The following FAM107A variants were observed in gnomAD, a reference collection of about 807,000 sequenced individuals.
The protein encoded by FAM107A is actin-associated protein FAM107A.
Under a neutral mutation model 13.7 loss-of-function variants are expected in FAM107A, and 19 were observed. The observed-to-expected ratio is 1.38, with a 90% CI of 0.97 to 2.03. FAM107A has a LOEUF of 2.03. Ranked by LOEUF, FAM107A falls within the 30% of genes most tolerant of loss-of-function variation. The pLI is 0.00. For synonymous variants in FAM107A, 82 were observed against 74.5 expected (o/e 1.10, Z -0.52); for missense variants, 203 against 184.4 (o/e 1.10, Z -0.58).
chr3:58,600,946 T>C (rs1575451622), intron 1 of FAM107A, among the ~76,000 whole-genome samples: 1 of 152,196 alleles, frequency 6.6e-6, no homozygotes, highest in African/African-American at 2.4e-5. Flanking sequence ...AGCCAGCGTT[T>C]TGTAATCAGA....
chr3:58,566,633 G>A lies in FAM107A; in HGVS notation c.390C>T (p.Asn130=). Residue 130 remains asparagine (N), a synonymous_variant, in exon 4 of 4, where the codon AAC becomes AAT. Transcript: ENST00000360997. ...TGGTCAGTGTGGCAATTCTCCGCAG[G>A]TTTTCCCTGACTTTAATAAACTCGG... ...HAPEFIKVRE[N]LRRIATLTSE... 2 of 1,614,020 alleles carry A rather than the reference G, an allele frequency of 1.2e-6. No homozygotes were observed. Among genetic ancestry groups the A allele is most frequent in the East Asian group, 2.2e-5 (1 of 44,882 alleles).
intron 1 of FAM107A, among the ~76,000 whole-genome samples, chr3:58,618,052 G>A (rs2065919897): frequency 6.6e-6 from 1 of 152,176 alleles, no homozygotes. Context: ...TTGTGGCTGG[G>A]TTTGTGGTGA....
Position 58,569,627 on chromosome 3 carries a change from A to G in FAM107A, c.170+64T>C, listed in dbSNP as rs2063660411. On this transcript the variant is annotated intron_variant, in intron 2 of 3. Transcript: ENST00000360997. The surrounding 1 kb of genome is among the most constrained non-coding windows in gnomAD (Gnocchi z 5.7). ...GCCAGCTCTGCTTTCCTCCAGGGTC[A>G]CCTTCCCCATCCCCCACAGGCCCAG... 1.4e-6 allele frequency: 2 copies of G among 1,391,886 alleles called. No individual in the cohort carries two copies. Among genetic ancestry groups the G allele is most frequent in the South Asian group, 2.7e-5 (2 of 75,114 alleles). The allele number at this position is 1,391,886 out of a possible 1,614,324, so 86.2% of individuals were successfully genotyped here. A position where few individuals can be genotyped will look rare whatever the true frequency, so the allele number is the denominator to read the frequency against.
Position 58,569,598 on chromosome 3 carries a change from G to T in FAM107A, c.170+93C>A. The T allele has an allele frequency of 9.0e-7, 1 of 1,115,754 alleles. No individual in the cohort carries two copies. The highest frequency in any genetic ancestry group is 1.3e-6 in the Non-Finnish European group (1 of 782,372). The allele number at this position is 1,115,754 out of a possible 1,614,324, so 69.1% of individuals were successfully genotyped here. A position where few individuals can be genotyped will look rare whatever the true frequency, so the allele number is the denominator to read the frequency against. On this transcript the variant is annotated intron_variant, in intron 2 of 3. Coordinates refer to ENST00000360997, the MANE Select transcript of FAM107A (RefSeq NM_001076778.3). This position sits in a 1 kb window ranked among gnomAD's most constrained non-coding sequence, Gnocchi z 5.7. ...CCTCAGTCTCCAGGAGCCCCAGGAT[G>T]AAAGCCAGCTCTGCTTTCCTCCAGG...
At chr3:58,584,031 CG>C (rs2065577124) in intron 1 of FAM107A, among the ~76,000 whole-genome samples, 1 of 152,134 alleles carries the variant, frequency 6.6e-6, no homozygotes. Context: ...GGCTTCTCAA[CG>C]AAAGGAGTGC....
At chr3:58,597,959 G>C (rs1179895352) in intron 1 of FAM107A, among the ~76,000 whole-genome samples, 2 of 152,314 alleles carry the variant, frequency 1.3e-5, no homozygotes, top group East Asian at 3.9e-4. Context: ...GGAAACTGAG[G>C]CTCAGTGAGG....
intron 1 of FAM107A, chr3:58,627,161 C>T (rs2066026912): frequency 4.5e-6 from 3 of 666,112 alleles, no homozygotes; most frequent in Middle Eastern, 4.1e-4. Context: ...ACAGCTGCTC[C>T]TAAGCCCGGA....
intron 1 of FAM107A, among the ~76,000 whole-genome samples, chr3:58,594,187 T>A (rs4681695): frequency 0.25 from 37,889 of 152,076 alleles, 5,319 homozygotes; most frequent in East Asian, 0.46. Context: ...CCTGTGTCAA[T>A]ACTGACAAAC....
upstream of FAM107A, among the ~76,000 whole-genome samples, chr3:58,579,199 C>A (rs945922252): frequency 1.3e-5 from 2 of 151,950 alleles, no homozygotes; most frequent in African/African-American, 4.8e-5. Context: ...GTGGGAAGAG[C>A]CAGTGGAAAG....
intron 1 of FAM107A, chr3:58,626,860 G>T: frequency 9.7e-7 from 1 of 1,033,932 alleles, no homozygotes. Context: ...GGGAGGGCTG[G>T]TGGGCACTGC....
intron 1 of FAM107A, among the ~76,000 whole-genome samples, chr3:58,571,798 G>A (rs150216695): frequency 7.2e-5 from 11 of 152,234 alleles, no homozygotes; most frequent in African/African-American, 1.4e-4. Flanking sequence ...TTCCTGTTCA[G>A]CTCATGCCAC....
intron 2 of FAM107A, among the ~76,000 whole-genome samples, chr3:58,568,056 C>T (rs1449963007): frequency 6.6e-6 from 1 of 151,280 alleles, no homozygotes; most frequent in South Asian, 2.1e-4. Flanking sequence ...CCTGCCTCGG[C>T]CTCCCAAAGT....
intron 1 of FAM107A, among the ~76,000 whole-genome samples, chr3:58,586,131 C>T (rs1285165546): frequency 7.3e-6 from 1 of 137,812 alleles, no homozygotes; most frequent in Non-Finnish European, 1.6e-5. Flanking sequence ...AGACCTCCTT[C>T]AACCGCGCTG....
At chr3:58,585,110 C>T (rs2108060634) in intron 1 of FAM107A, among the ~76,000 whole-genome samples, 1 of 152,328 alleles carries the variant, frequency 6.6e-6, no homozygotes, top group East Asian at 1.9e-4. Flanking sequence ...CCGCTCCCTT[C>T]CTGGCTCCTT....
chr3:58,614,730 C>T (rs962789751), intron 1 of FAM107A, among the ~76,000 whole-genome samples: 6 of 152,060 alleles, frequency 3.9e-5, no homozygotes, highest in African/African-American at 1.5e-4. Flanking sequence ...GTCTTGAACT[C>T]CTGACGTCAA....
At position 58,564,343 on chromosome 3, in the gene FAM107A, C is replaced by G. The variant is rs2063599670; in HGVS notation, c.*2245G>C. 1 of 152,000 alleles carries G rather than the reference C, an allele frequency of 6.6e-6. No homozygotes were observed. Among genetic ancestry groups the G allele is most frequent in the South Asian group, 2.1e-4 (1 of 4,828 alleles). 9.4% of individuals were successfully genotyped at this position (152,000 alleles called of 1,614,324 possible). On this transcript the variant is annotated 3_prime_UTR_variant, in exon 4 of 4. Coordinates refer to ENST00000360997, the MANE Select transcript of FAM107A (RefSeq NM_001076778.3). This position sits in a 1 kb window ranked among gnomAD's most constrained non-coding sequence, Gnocchi z 5.6. ...ATGCCTGTGTCTTTTATTGGAAAAG[C>G]TTTCCCAGAAGCCCAGGTAGACTTC...
At chr3:58,580,494 A>T (rs747713833), upstream of FAM107A, among the ~76,000 whole-genome samples, 9 of 146,812 alleles carry the variant, frequency 6.1e-5, no homozygotes, top group Non-Finnish European at 1.3e-4. Flanking sequence ...GGCTCACTGC[A>T]GCCTTGACCT....
chr3:58,586,188 G>A (rs1163657620), intron 1 of FAM107A, among the ~76,000 whole-genome samples: 2 of 123,848 alleles, frequency 1.6e-5, no homozygotes, highest in African/African-American at 6.4e-5. Context: ...CTCGAGTCGT[G>A]CCCATTTTCC....
intron 1 of FAM107A, among the ~76,000 whole-genome samples, chr3:58,570,801 G>T (rs2063676207): frequency 6.6e-6 from 1 of 152,236 alleles, no homozygotes; most frequent in Non-Finnish European, 1.5e-5. Flanking sequence ...CTGACAGTTG[G>T]CAGTGTCTGG....
Sources: allele counts gnomAD v4.1 joint callset (sites outside exome capture counted in the v4.1 genomes callset), GRCh38; gene constraint gnomAD v4.1.1; non-coding constraint Gnocchi (gnomAD v3.1); transcripts MANE v1.5; gene names NCBI Gene and HGNC (gene_info 2026-07-23, HGNC 2026-07-21).